Variants in SMC1B observed in about 807,000 individuals in gnomAD.
SMC1B encodes the protein structural maintenance of chromosomes protein 1B.
A neutral mutation model predicts 157.9 loss-of-function variants in SMC1B; 60 were observed. The observed-to-expected ratio is 0.38, with a 90% CI of 0.31 to 0.47. SMC1B has a LOEUF of 0.47. Among genes scored for constraint, SMC1B ranks in the 20% least tolerant of loss-of-function variants. SMC1B has a pLI of 0.99. For missense variants in SMC1B, 1,165 were observed against 1,426.2 expected (o/e 0.82, Z 2.95); for synonymous variants, 445 against 483.0 (o/e 0.92, Z 1.03).
chr22:45,392,907 G>T (rs2087077963), intron 9 of SMC1B, among the ~76,000 whole-genome samples: 1 of 152,092 alleles, frequency 6.6e-6, no homozygotes, highest in Non-Finnish European at 1.5e-5. Flanking sequence ...CACCATGTTG[G>T]CCAGGCTGGT....
intron 11 of SMC1B, 145 bp downstream of exon 11, chr22:45,386,722 A>C: frequency 1.7e-6 from 1 of 590,280 alleles, no homozygotes; most frequent in Non-Finnish European, 2.7e-6. Flanking sequence ...CTGAAGCCAT[A>C]ACCACCTTAG....
Position 45,359,949 on chromosome 22 carries a change from C to T in SMC1B, c.2718G>A (p.Gly906=). 1 of 1,613,106 alleles carries T rather than the reference C, an allele frequency of 6.2e-7. No homozygotes were observed. Among genetic ancestry groups the T allele is most frequent in the South Asian group, 1.1e-5 (1 of 90,982 alleles). ...KKFLAVDREV[G]KLQKEVVSIQ... ...TACTTACAACTTCTTTTTGCAATTT[C>T]CCCACTTCCCTGTAATTACACAGAT... Residue 906 remains glycine, a synonymous_variant, in exon 18 of 25, where the codon GGG becomes GGA. Transcript: ENST00000357450.
chr22:45,354,992 T>C lies in SMC1B; in HGVS notation c.3085A>G (p.Thr1029Ala). ...PNLRALENLKTVRDKFQESTD... is the reference protein window; with the variant it reads ...PNLRALENLKAVRDKFQESTD... ...GACTCTTGAAACTTGTCTCTGACAGTCTTTAAGTTCTCCAGTGCTCGTAGG... is the reference window on the plus strand; with the variant it reads ...GACTCTTGAAACTTGTCTCTGACAGCCTTTAAGTTCTCCAGTGCTCGTAGG... Residue 1029 changes from threonine to alanine, a missense_variant, in exon 20 of 25, where the codon ACT (threonine) becomes GCT (alanine). Physicochemically the swap from Thr to Ala is moderately conservative, Grantham distance 58. Transcript: ENST00000357450. 1.9e-6 allele frequency: 3 copies of C among 1,614,168 alleles called. No homozygotes were observed. The highest frequency in any genetic ancestry group is 2.5e-6 in the Non-Finnish European group (3 of 1,180,028).
At chr22:45,380,747 G>A (rs1174096644) in intron 12 of SMC1B, among the ~76,000 whole-genome samples, 1 of 151,930 alleles carries the variant, frequency 6.6e-6, no homozygotes, top group Non-Finnish European at 1.5e-5. Flanking sequence ...ACAAGGCCCT[G>A]TCGCTACAAA....
At chr22:45,407,713 T>G (rs1470016616) in intron 2 of SMC1B, among the ~76,000 whole-genome samples, 1 of 152,190 alleles carries the variant, frequency 6.6e-6, no homozygotes, top group African/African-American at 2.4e-5. Flanking sequence ...CCTCCCAAAG[T>G]GCTGGGATTA....
At chr22:45,377,828 G>A (rs983330690) in intron 12 of SMC1B, among the ~76,000 whole-genome samples, 16 of 151,564 alleles carry the variant, frequency 1.1e-4, no homozygotes, top group African/African-American at 3.6e-4. Flanking sequence ...AAGCCACCAC[G>A]CCTGGCCAGT....
chr22:45,348,567 T>C (rs970126485), intron 23 of SMC1B, among the ~76,000 whole-genome samples: 1 of 152,240 alleles, frequency 6.6e-6, no homozygotes. Context: ...AAACCTGTTA[T>C]GCCAGCAGTA....
At chr22:45,411,812 TACCTCCAGTGA>T (rs1469132820) in intron 1 of SMC1B, among the ~76,000 whole-genome samples, 1 of 152,110 alleles carries the variant, frequency 6.6e-6, no homozygotes, top group Admixed American at 6.5e-5. Flanking sequence ...CTTGAACCCC[TACCTCCAGTGA>T]TCTGCCTGCC....
intron 11 of SMC1B, 62 bp from the exon 12 acceptor site, chr22:45,383,675 A>C: frequency 1.5e-6 from 2 of 1,357,886 alleles, no homozygotes; most frequent in Admixed American, 2.6e-5. Flanking sequence ...TAAAGACACA[A>C]TGTGTCAATT....
intron 19 of SMC1B, among the ~76,000 whole-genome samples, chr22:45,356,929 C>T (rs1024620522): frequency 8.2e-4 from 125 of 151,902 alleles, no homozygotes; most frequent in African/African-American, 2.8e-3. Context: ...GACAGGGTTT[C>T]GTCATGTTGG....
intron 12 of SMC1B, among the ~76,000 whole-genome samples, chr22:45,378,721 C>T (rs1569185760): frequency 6.6e-6 from 1 of 151,968 alleles, no homozygotes; most frequent in Non-Finnish European, 1.5e-5. Context: ...TTATCTTTTC[C>T]ATTCTATTAA....
rs748761052 is a variant in SMC1B, at chr22:45,406,502, A to AT, written c.572dup (p.Asn191LysfsTer24). On this transcript the variant is annotated frameshift_variant, in exon 4 of 25. Coordinates refer to ENST00000357450, the MANE Select transcript of SMC1B (RefSeq NM_148674.5). LOFTEE classifies it high-confidence loss of function. The stretch of plus-strand genomic sequence containing the variant: ...TTGCTTGTCTGCGCTCTGCCGCTAT[A>AT]TTTTTTTTCTTATTAAAGTTAAACT... 5 of 1,611,512 alleles carry AT rather than the reference A, an allele frequency of 3.1e-6. No homozygotes were observed. The highest frequency in any genetic ancestry group is 2.7e-5 in the African/African-American group (2 of 74,616).
Position 45,354,947 on chromosome 22 carries a change from A to G in SMC1B, c.3118+12T>C. 6.2e-7 allele frequency: 1 copy of G among 1,613,188 alleles called. No homozygotes were observed. Among genetic ancestry groups the G allele is most frequent in the African/African-American group, 1.3e-5 (1 of 74,998 alleles). On this transcript the variant is annotated intron_variant, in intron 20 of 24. Coordinates refer to ENST00000357450, the MANE Select transcript of SMC1B (RefSeq NM_148674.5). ...TGAATATAATCTTGTTAGTGACTAC[A>G]CTCAATTTTACCATCTGTGGACTCT...
intron 6 of SMC1B, among the ~76,000 whole-genome samples, chr22:45,397,578 T>A (rs1354069650): frequency 6.6e-6 from 1 of 152,064 alleles, no homozygotes; most frequent in African/African-American, 2.4e-5. Flanking sequence ...ACTGAGAAAC[T>A]CTCTTGCTGT....
chr22:45,354,241 G>T, intron 20 of SMC1B, 109 bp from the exon 21 acceptor site: 1 of 830,588 alleles, frequency 1.2e-6, no homozygotes, highest in Non-Finnish European at 1.8e-6. Context: ...TGGATCTCTT[G>T]AGTAAAGGTA....
chr22:45,411,178 A>T (rs925940969), intron 1 of SMC1B, among the ~76,000 whole-genome samples: 1 of 147,970 alleles, frequency 6.8e-6, no homozygotes, highest in East Asian at 2.0e-4. Context: ...ACATACCACA[A>T]AGTGGCAACA....
At chr22:45,361,552 C>T (rs939187953) in intron 17 of SMC1B, among the ~76,000 whole-genome samples, 3 of 152,066 alleles carry the variant, frequency 2.0e-5, no homozygotes, top group Admixed American at 6.6e-5. Context: ...CATTTGAACC[C>T]GGGAAGCAAA....
chr22:45,389,872 T>A lies in SMC1B; in HGVS notation c.1571A>T (p.His524Leu), dbSNP rs1304045856. 2 of 1,614,040 alleles carry A rather than the reference T, an allele frequency of 1.2e-6. No individual in the cohort carries two copies. Among genetic ancestry groups the A allele is most frequent in the East Asian group, 2.2e-5 (1 of 44,868 alleles). Residue 524 changes from histidine (H) to leucine (L), a missense_variant, in exon 10 of 25, where the codon CAT (histidine) becomes CTT (leucine). His to Leu is a moderately conservative substitution (Grantham distance 99). Transcript: ENST00000357450. ...SVFGRLFDLC[H>L]PIHKKYQLAV... ...CAGCTGGTATTTCTTATGAATAGGA[T>A]GACACAGGTCAAATAGTCTTCCAAA... is the stretch of plus-strand genomic sequence containing the variant.
chr22:45,382,549 C>G (rs1286072932), intron 12 of SMC1B, among the ~76,000 whole-genome samples: 1 of 152,114 alleles, frequency 6.6e-6, no homozygotes, highest in African/African-American at 2.4e-5. Context: ...GTGATGGTTA[C>G]GTGACTACAT....
Sources: allele counts gnomAD v4.1 joint callset (sites outside exome capture counted in the v4.1 genomes callset), GRCh38; gene constraint gnomAD v4.1.1; transcripts MANE v1.5; gene names NCBI Gene and HGNC (gene_info 2026-07-23, HGNC 2026-07-21).